DGKH: variants seen among roughly 807,000 people sequenced by gnomAD.
DGKH encodes the protein diacylglycerol kinase eta, also known as DAG kinase eta.
A neutral mutation model predicts 159.3 loss-of-function variants in DGKH; 90 were observed. The observed-to-expected ratio is 0.57, with a 90% CI of 0.48 to 0.67. The LOEUF (loss-of-function observed/expected upper bound fraction) is 0.67, where lower values mean the gene tolerates loss of function less well. Among genes scored for constraint, DGKH ranks in the 30% least tolerant of loss-of-function variants. DGKH has a pLI of 0.00. For synonymous variants in DGKH, 536 were observed against 553.8 expected, an observed-to-expected ratio of 0.97 and a Z score of 0.45; for missense variants, 1,181 against 1,506.1, an observed-to-expected ratio of 0.78 and a Z score of 3.57.
chr13:42,256,433 A>G, exon 31 of DGKH: 1 of 1,568,184 alleles, frequency 6.4e-7, no homozygotes, highest in Non-Finnish European at 8.8e-7. Flanking sequence ...AGCACACAAA[A>G]ATGGATCAAC....
At chr13:42,098,813 T>C (rs1423406005) in intron 1 of DGKH, among the ~76,000 whole-genome samples, 1 of 152,252 alleles carries the variant, frequency 6.6e-6, no homozygotes, top group East Asian at 1.9e-4. Flanking sequence ...GTAATTATAT[T>C]CTTAAGCTAA....
At chr13:42,109,661 CGTGT>C (rs1247260967) in intron 1 of DGKH, among the ~76,000 whole-genome samples, 6 of 78,126 alleles carry the variant, frequency 7.7e-5, no homozygotes, top group African/African-American at 4.4e-4. Flanking sequence ...CCTGTGCGTG[CGTGT>C]GTGTGCGTGT....
intron 22 of DGKH, 81 bp downstream of exon 22, chr13:42,209,153 T>A (rs17599058): frequency 0.018 from 24,839 of 1,375,074 alleles, 278 homozygotes; most frequent in Non-Finnish European, 0.021. Flanking sequence ...ACTCGTACAC[T>A]GGATATTCAT....
intron 1 of DGKH, among the ~76,000 whole-genome samples, chr13:42,058,085 TTATGTC>T: frequency 6.6e-6 from 1 of 152,162 alleles, no homozygotes; most frequent in South Asian, 2.1e-4. Context: ...CCACCAAAGT[TTATGTC>T]TATGTGTATG....
intron 30 of DGKH, among the ~76,000 whole-genome samples, chr13:42,254,207 T>G (rs1048418164): frequency 2.6e-5 from 4 of 152,190 alleles, no homozygotes; most frequent in African/African-American, 9.7e-5. Context: ...AATGTATGCA[T>G]AAGTATGTTA....
chr13:42,208,554 A>G (rs960655294), intron 21 of DGKH, among the ~76,000 whole-genome samples: 3 of 152,076 alleles, frequency 2.0e-5, no homozygotes, highest in African/African-American at 7.2e-5. Flanking sequence ...TTATGAAACT[A>G]TATCACCTTT....
At chr13:42,188,455 A>T (rs1252477758) in intron 14 of DGKH, among the ~76,000 whole-genome samples, 1 of 152,156 alleles carries the variant, frequency 6.6e-6, no homozygotes, top group Non-Finnish European at 1.5e-5. Context: ...TCCCTTAGGC[A>T]TTGTTCACTC....
chr13:42,129,737 A>G (rs556314429), intron 3 of DGKH, 105 bp downstream of exon 3: 2 of 997,732 alleles, frequency 2.0e-6, no homozygotes, highest in South Asian at 1.6e-5. Context: ...TAACTTATGC[A>G]TGTTGGAGTT....
At chr13:42,142,549 G>C (rs200420832) in intron 3 of DGKH, among the ~76,000 whole-genome samples, 8 of 151,818 alleles carry the variant, frequency 5.3e-5, no homozygotes, top group South Asian at 4.2e-4. Context: ...TCTTCCATTT[G>C]TTTGTATCCT....
At chr13:42,211,060 A>G (rs147443167) in intron 24 of DGKH, among the ~76,000 whole-genome samples, 3 of 152,348 alleles carry the variant, frequency 2.0e-5, no homozygotes, top group South Asian at 2.1e-4. Context: ...GAATAAAAAG[A>G]CTTCAAAAAC....
intron 1 of DGKH, among the ~76,000 whole-genome samples, chr13:42,117,285 G>A (rs1330970161): frequency 6.6e-6 from 1 of 152,108 alleles, no homozygotes. Flanking sequence ...TTTAAAAAAT[G>A]AATCTTTGTT....
chr13:42,223,825 A>G (rs988302664), intron 29 of DGKH, among the ~76,000 whole-genome samples: 1 of 152,104 alleles, frequency 6.6e-6, no homozygotes, highest in African/African-American at 2.4e-5. Flanking sequence ...TGGTTAAGTC[A>G]GGGCTTTTAC....
rs74050287 is a variant in DGKH, at chr13:42,088,841, A to G, written c.193-38622A>G. ...ATGCCTTGTTGGGCTGGATAAATCA[A>G]TACAATCCAATTATTTGCTCTACAA... On this transcript the variant is annotated intron_variant, in intron 1 of 29. Coordinates refer to ENST00000337343, the MANE Select transcript of DGKH (RefSeq NM_178009.5). Among the ~76,000 whole-genome samples the G allele has an allele frequency of 6.4e-3, 982 of 152,332 alleles. 11 individuals are homozygous for G. Among genetic ancestry groups the G allele is most frequent in the African/African-American group, 0.022 (906 of 41,594 alleles).
intron 3 of DGKH, among the ~76,000 whole-genome samples, chr13:42,142,117 T>G (rs1955578353): frequency 2.0e-5 from 3 of 152,032 alleles, no homozygotes; most frequent in African/African-American, 7.2e-5. Flanking sequence ...TACATATGGC[T>G]AGCCAGTTTT....
chr13:42,118,555 C>T (rs907523517), intron 1 of DGKH, among the ~76,000 whole-genome samples: 2 of 152,228 alleles, frequency 1.3e-5, no homozygotes, highest in Admixed American at 6.5e-5. Flanking sequence ...GTTACACAGA[C>T]AGGATAAGGA....
intron 1 of DGKH, among the ~76,000 whole-genome samples, chr13:42,075,144 T>G (rs977333854): frequency 1.3e-5 from 2 of 152,224 alleles, no homozygotes; most frequent in African/African-American, 4.8e-5. Flanking sequence ...GCAAGTGAGC[T>G]TTGATTTACT....
rs920625973 is a variant in DGKH, at chr13:42,235,512, T to G, written c.*6324T>G. On this transcript the variant is annotated 3_prime_UTR_variant, in exon 30 of 30. Transcript: ENST00000337343. The stretch of plus-strand genomic sequence containing the variant: ...AGTTGATAAGGCCATTAAGGTAGGA[T>G]AATGCAGTTACATATACAAACTAAA... 10 of 152,172 alleles carry G rather than the reference T, an allele frequency of 6.6e-5. 1 individual carries two copies. The highest frequency in any genetic ancestry group is 2.0e-4 in the Admixed American group (3 of 15,282). 9.4% of individuals were successfully genotyped at this position (152,172 alleles called of 1,614,324 possible). A position where few individuals can be genotyped will look rare whatever the true frequency, so the allele number is the denominator to read the frequency against.
rs915901984 is a variant in DGKH, at chr13:42,235,166, G to T, written c.*5978G>T. On this transcript the variant is annotated 3_prime_UTR_variant, in exon 30 of 30. Coordinates refer to ENST00000337343, the MANE Select transcript of DGKH (RefSeq NM_178009.5). ...ACTGAGACTGTTAAACTCTGTTCATGATAAACTCCATATTACATAATATAG... is the reference window on the plus strand; with the variant it reads ...ACTGAGACTGTTAAACTCTGTTCATTATAAACTCCATATTACATAATATAG... The T allele has an allele frequency of 6.6e-6, 1 of 152,082 alleles. No individual in the cohort carries two copies. The highest frequency in any genetic ancestry group is 1.5e-5 in the Non-Finnish European group (1 of 68,012). The allele number at this position is 152,082 out of a possible 1,614,324, so 9.4% of individuals were successfully genotyped here.
At position 42,159,263 on chromosome 13, in the gene DGKH, T is replaced by TTTTTTTTTTTTTTTGTTTAA; in HGVS notation, c.623-3_623-2insTTTTTTTTTTTTTTGTTTAA. On this transcript the variant is annotated splice_polypyrimidine_tract_variant and splice_region_variant and intron_variant, in intron 5 of 29. Transcript: ENST00000337343. ...GTTGCTCTTTTTTTTTTTTTTTTTT[T>TTTTTTTTTTTTTTTGTTTAA]AGTGTGTAAATTCAAGGCTCACAAA... 2.4e-6 allele frequency: 3 copies of TTTTTTTTTTTTTTTGTTTAA among 1,249,718 alleles called. No individual in the cohort carries two copies. Among genetic ancestry groups the TTTTTTTTTTTTTTTGTTTAA allele is most frequent in the Non-Finnish European group, 3.4e-6 (3 of 894,572 alleles). 77.4% of individuals were successfully genotyped at this position (1,249,718 alleles called of 1,614,324 possible).
Sources: allele counts gnomAD v4.1 joint callset (sites outside exome capture counted in the v4.1 genomes callset), GRCh38; gene constraint gnomAD v4.1.1; transcripts MANE v1.5; gene names NCBI Gene and HGNC (gene_info 2026-07-23, HGNC 2026-07-21).